RC3H1: variants seen among roughly 807,000 people sequenced by gnomAD.
The protein encoded by RC3H1 is ring finger and CCCH-type domains 1, also known as roquin-1.
A neutral mutation model predicts 138.2 loss-of-function variants in RC3H1; 50 were observed. The ratio of observed to expected loss-of-function variants is 0.36; its 90% confidence interval spans 0.29 to 0.46. The LOEUF (loss-of-function observed/expected upper bound fraction) is 0.46, where lower values mean the gene tolerates loss of function less well. RC3H1 is among the 20% of genes least tolerant of loss of function. The pLI is 1.00. For synonymous variants in RC3H1, 462 were observed against 489.1 expected (o/e 0.94, Z 0.73); for missense variants, 1,031 against 1,388.1 (o/e 0.74, Z 4.09).
rs533567232 is a variant in RC3H1, at chr1:173,936,745, ATATATATATATATATATTT to A, written c.*1957_*1975del. The A allele has an allele frequency of 0.028, 1,426 of 51,502 alleles. 55 individuals carry two copies. The highest frequency in any genetic ancestry group is 0.18 in the African/African-American group (1,368 of 7,504). The allele number at this position is 51,502 out of a possible 1,614,324, so 3.2% of individuals were successfully genotyped here. ...AAAAAGCATACATATATATATATAT[ATATATATATATATATATTT>A]TTTTTTTTTTTTTTAAAAAAAGAAG... On this transcript the variant is annotated 3_prime_UTR_variant, in exon 20 of 20. Transcript: ENST00000367696.
chr1:173,956,961 T>C (rs1346827258), intron 13 of RC3H1, among the ~76,000 whole-genome samples: 1 of 152,100 alleles, frequency 6.6e-6, no homozygotes, highest in African/African-American at 2.4e-5. Context: ...TCATCCAGGC[T>C]GGAGTGCAGT....
chr1:173,963,389 A>T (rs1334500735), intron 11 of RC3H1, among the ~76,000 whole-genome samples: 11 of 152,160 alleles, frequency 7.2e-5, no homozygotes, highest in Non-Finnish European at 1.0e-4. Context: ...TATCAAGCTA[A>T]TATTAACCAC....
At chr1:173,976,712 G>T (rs1162299648) in intron 7 of RC3H1, among the ~76,000 whole-genome samples, 2 of 152,140 alleles carry the variant, frequency 1.3e-5, no homozygotes, top group South Asian at 4.1e-4. Flanking sequence ...GATGATCAAA[G>T]GACAGCAGTC....
chr1:173,949,155 A>T (rs1051881774), intron 14 of RC3H1, among the ~76,000 whole-genome samples: 36 of 148,128 alleles, frequency 2.4e-4, no homozygotes, highest in Non-Finnish European at 4.9e-4. Flanking sequence ...GCTGGCATAT[A>T]ATTGTATTTA....
intron 6 of RC3H1, 132 bp downstream of exon 6, chr1:173,980,677 G>T: frequency 3.9e-6 from 2 of 508,068 alleles, no homozygotes; most frequent in Non-Finnish European, 6.8e-6. Context: ...TAACGTGATT[G>T]GTTATGACAT....
At position 173,962,537 on chromosome 1, in the gene RC3H1, C is replaced by T. The variant is rs568372331; in HGVS notation, c.1832-442G>A. ...GCAGATTAGTAGCTACTGCTTGGCT[C>T]TACAGTTCTTGAGACAACAGTTGTG... is the stretch of plus-strand genomic sequence containing the variant. On this transcript the variant is annotated intron_variant, in intron 11 of 19. Transcript: ENST00000367696. 3.3e-5 allele frequency among the ~76,000 whole-genome samples: 5 copies of T among 152,172 alleles called. No homozygotes were observed. The South Asian group carries it at 8.3e-4, about 25-fold the overall frequency.
At chr1:174,016,857 G>GAA (rs1019902446) in intron 1 of RC3H1, among the ~76,000 whole-genome samples, 1 of 141,708 alleles carries the variant, frequency 7.1e-6, no homozygotes. Flanking sequence ...ATTCTAGAAA[G>GAA]AAAAAAAAAA....
chr1:174,013,329 T>C (rs756283350), intron 1 of RC3H1, among the ~76,000 whole-genome samples: 1 of 152,184 alleles, frequency 6.6e-6, no homozygotes, highest in Admixed American at 6.5e-5. Context: ...CTTTCCAATA[T>C]GGTAGCCACT....
chr1:173,956,615 C>T (rs1423158027), intron 13 of RC3H1, among the ~76,000 whole-genome samples: 3 of 147,868 alleles, frequency 2.0e-5, no homozygotes, highest in East Asian at 2.0e-4. Flanking sequence ...GCCGAGATCG[C>T]GCCATTGCAC....
In RC3H1 at chr1:173,972,631, T is replaced by C; in HGVS notation, c.1103-4A>G. 5.7e-6 allele frequency: 9 copies of C among 1,579,220 alleles called. No homozygotes were observed. The highest frequency in any genetic ancestry group is 7.8e-6 in the Non-Finnish European group (9 of 1,148,238). Reference sequence around the variant, plus strand: ...TCCCAAGTAGGAGGAGGAGCATCTATACAACCAATGATAATGTTTTAAACT... The same window carrying C: ...TCCCAAGTAGGAGGAGGAGCATCTACACAACCAATGATAATGTTTTAAACT... On this transcript the variant is annotated splice_region_variant and splice_polypyrimidine_tract_variant and intron_variant, in intron 7 of 19. Transcript: ENST00000367696.
intron 2 of RC3H1, among the ~76,000 whole-genome samples, chr1:173,992,255 G>A (rs1345700154): frequency 1.3e-5 from 2 of 151,930 alleles, no homozygotes; most frequent in African/African-American, 2.4e-5. Flanking sequence ...AGCAATTCTC[G>A]TGTCTCAGCC....
intron 1 of RC3H1, among the ~76,000 whole-genome samples, chr1:174,002,006 TA>T (rs1016822970): frequency 1.3e-5 from 2 of 152,180 alleles, no homozygotes; most frequent in African/African-American, 4.8e-5. Flanking sequence ...TTGTTTGCTT[TA>T]TTATCTTAAC....
intron 14 of RC3H1, among the ~76,000 whole-genome samples, chr1:173,949,660 T>C (rs1659298770): frequency 1.3e-5 from 2 of 152,130 alleles, no homozygotes; most frequent in Admixed American, 1.3e-4. Flanking sequence ...TGAGCCACAG[T>C]ACCCAGCCAG....
chr1:173,985,218 A>T (rs1023923393), intron 2 of RC3H1, among the ~76,000 whole-genome samples: 4 of 152,204 alleles, frequency 2.6e-5, no homozygotes, highest in African/African-American at 9.6e-5. Context: ...ATTGACAGAC[A>T]TATAGGTTGT....
chr1:173,952,643 T>C (rs1159364887), intron 13 of RC3H1, among the ~76,000 whole-genome samples: 1 of 152,168 alleles, frequency 6.6e-6, no homozygotes, highest in Non-Finnish European at 1.5e-5. Flanking sequence ...GAAATCTCTT[T>C]AATAGCAATA....
chr1:174,019,850 C>T (rs1661925859), intron 1 of RC3H1, among the ~76,000 whole-genome samples: 2 of 152,036 alleles, frequency 1.3e-5, no homozygotes, highest in African/African-American at 2.4e-5. Flanking sequence ...AAATACGGAC[C>T]CAGACTAAGC....
chr1:173,953,204 TTTTA>T (rs1468938987), intron 13 of RC3H1, among the ~76,000 whole-genome samples: 2 of 152,204 alleles, frequency 1.3e-5, no homozygotes, highest in South Asian at 2.1e-4. Flanking sequence ...TTTTATCCTT[TTTTA>T]TTTTTCTTCT....
rs1658530783 is a variant in RC3H1, at chr1:173,935,205, G to C, written c.*3516C>G. The C allele has an allele frequency of 6.6e-6, 1 of 152,120 alleles. No homozygotes were observed. Among genetic ancestry groups the C allele is most frequent in the Non-Finnish European group, 1.5e-5 (1 of 68,024 alleles). The allele number at this position is 152,120 out of a possible 1,614,324, so 9.4% of individuals were successfully genotyped here. ...TCTGTACGTTATCTAAGACAGGACA[G>C]TTACTGGACTTATCTTATGACAAAA... On this transcript the variant is annotated 3_prime_UTR_variant, in exon 20 of 20. Transcript: ENST00000367696.
In RC3H1 at chr1:173,961,784, T is replaced by C; in HGVS notation, c.2143A>G (p.Ile715Val). 6.2e-7 allele frequency: 1 copy of C among 1,613,264 alleles called. No individual in the cohort carries two copies. The highest frequency in any genetic ancestry group is 8.5e-7 in the Non-Finnish European group (1 of 1,180,006). The change falls in exon 12 of 20, where the codon ATC (isoleucine) becomes GTC (valine). Residue 715 changes from isoleucine to valine, a missense_variant. Coordinates refer to ENST00000367696, the MANE Select transcript of RC3H1 (RefSeq NM_172071.4). ...GGAGCCACTGGATAGTAACTCTCGA[T>C]CTGTTGGTATCTTTCTCTGGATTCT... The part of the protein sequence containing the change: ...VPESRERYQQ[I>V]ESYYPVAPHP...
Sources: gnomAD v4.1 joint callset for allele counts (sites outside exome capture counted in the v4.1 genomes callset) on GRCh38, gnomAD v4.1.1 for gene constraint, MANE v1.5 for transcripts, NCBI Gene and HGNC (gene_info 2026-07-23, HGNC 2026-07-21) for gene names.